RAB21: variants seen among roughly 807,000 people sequenced by gnomAD.
RAB21 encodes RAB21, member RAS oncogene family.
RAB21 carries 13 observed loss-of-function variants against 33.1 expected under a neutral mutation model. The observed-to-expected ratio is 0.39, with a 90% CI of 0.26 to 0.62. The LOEUF is 0.62. Among genes scored for constraint, RAB21 ranks in the 20% least tolerant of loss-of-function variants. The pLI, the probability that RAB21 is intolerant of heterozygous loss-of-function variation, is 0.48. For missense variants in RAB21, 234 were observed against 279.1 expected, an observed-to-expected ratio of 0.84 and a Z score of 1.15; for synonymous variants, 91 against 103.7, an observed-to-expected ratio of 0.88 and a Z score of 0.74.
rs753308011 is a variant in RAB21, at chr12:71,759,050, G to A, written c.159+3762G>A. ...TTAGTCTTAATTGCTTCAAAAAAAG[G>A]CATTATTTGTATCTCTCAGATTCTC... On this transcript the variant is annotated intron_variant, in intron 1 of 6. Transcript: ENST00000261263. Among the ~76,000 whole-genome samples the A allele has an allele frequency of 9.2e-5, 14 of 152,276 alleles. No homozygotes were observed. The South Asian group carries it at 1.2e-3, about 14-fold the overall frequency.
In RAB21 at chr12:71,799,396, G is replaced by T. The variant is rs1340763604; in HGVS notation, c.*13723G>T. On this transcript the variant is annotated 3_prime_UTR_variant, in exon 7 of 7. Coordinates refer to ENST00000261263, the MANE Select transcript of RAB21 (RefSeq NM_014999.4). ...ATATCTATAATGGCTTCTGTTTCCT[G>T]CATTGAAAGCTGACTGATCTGGAGG... 6.6e-6 allele frequency: 1 copy of T among 152,172 alleles called. No individual in the cohort carries two copies. The highest frequency in any genetic ancestry group is 1.5e-5 in the Non-Finnish European group (1 of 68,040). The allele number at this position is 152,172 out of a possible 1,614,324, so 9.4% of individuals were successfully genotyped here.
At chr12:71,780,443 C>T (rs554912933) in intron 4 of RAB21, among the ~76,000 whole-genome samples, 2 of 152,208 alleles carry the variant, frequency 1.3e-5, no homozygotes, top group Non-Finnish European at 2.9e-5. Context: ...AATAACACGA[C>T]GGTTTTTCCT....
chr12:71,758,642 G>A (rs1305217986), intron 1 of RAB21, among the ~76,000 whole-genome samples: 1 of 77,692 alleles, frequency 1.3e-5, no homozygotes, highest in Non-Finnish European at 3.3e-5. Flanking sequence ...CACCATGCTC[G>A]GCTAATTTTT....
At chr12:71,783,904 C>G (rs1592650719) in intron 6 of RAB21, among the ~76,000 whole-genome samples, 1 of 150,316 alleles carries the variant, frequency 6.7e-6, no homozygotes, top group East Asian at 2.0e-4. Context: ...TAACAATGCA[C>G]TAAGTCAGTG....
chr12:71,763,124 C>T, intron 1 of RAB21, among the ~76,000 whole-genome samples: 1 of 150,872 alleles, frequency 6.6e-6, no homozygotes, highest in East Asian at 1.9e-4. Context: ...CACACACACA[C>T]ACACAATCTT....
At position 71,789,239 on chromosome 12, in the gene RAB21, A is replaced by G. The variant is rs949361621; in HGVS notation, c.*3566A>G. On this transcript the variant is annotated 3_prime_UTR_variant, in exon 7 of 7. Transcript: ENST00000261263. ...ACTTTTATCAAAGAGTTTCTAATTA[A>G]GGCAAACTATGCATTATGCCAAATA... The G allele has an allele frequency of 4.6e-5, 7 of 152,132 alleles. No individual in the cohort carries two copies. The highest frequency in any genetic ancestry group is 1.4e-4 in the African/African-American group (6 of 41,452). The allele number at this position is 152,132 out of a possible 1,614,324, so 9.4% of individuals were successfully genotyped here. A position where few individuals can be genotyped will look rare whatever the true frequency, so the allele number is the denominator to read the frequency against.
In RAB21 at chr12:71,785,401, A is replaced by G. The variant is rs3741687; in HGVS notation, c.536-130A>G. 1.3e-4 allele frequency: 139 copies of G among 1,058,318 alleles called. No individual in the cohort carries two copies. The East Asian group carries it at 2.4e-3, about 18-fold the overall frequency. The allele number at this position is 1,058,318 out of a possible 1,614,324, so 65.6% of individuals were successfully genotyped here. ...GAAGCTGTTTTAGTGAGCTGACCCA[A>G]TGTTCATTATATTTAGTTTCTTTGT... On this transcript the variant is annotated intron_variant, in intron 6 of 6. Transcript: ENST00000261263.
At chr12:71,765,195 C>G (rs1882941407) in intron 1 of RAB21, among the ~76,000 whole-genome samples, 1 of 152,130 alleles carries the variant, frequency 6.6e-6, no homozygotes, top group Non-Finnish European at 1.5e-5. Flanking sequence ...ATTTGCATTT[C>G]CCTGATAATT....
intron 2 of RAB21, among the ~76,000 whole-genome samples, 177 bp downstream of exon 2, chr12:71,770,036 T>G (rs943684424): frequency 2.0e-5 from 3 of 152,180 alleles, no homozygotes; most frequent in Non-Finnish European, 2.9e-5. Context: ...TGTCATAACT[T>G]TTCAGTTGGA....
intron 2 of RAB21, 105 bp downstream of exon 2, chr12:71,769,964 A>G: frequency 2.1e-6 from 1 of 481,276 alleles, no homozygotes; most frequent in Non-Finnish European, 3.5e-6. Flanking sequence ...TTTTAATTAA[A>G]AAGAATCTTA....
chr12:71,767,888 A>G (rs183444664), intron 1 of RAB21, among the ~76,000 whole-genome samples: 15 of 152,210 alleles, frequency 9.9e-5, no homozygotes, highest in African/African-American at 3.6e-4. Context: ...TCCATGTGGC[A>G]TTGATATTGA....
At chr12:71,757,785 C>T (rs910352971) in intron 1 of RAB21, among the ~76,000 whole-genome samples, 1 of 152,134 alleles carries the variant, frequency 6.6e-6, no homozygotes, top group Non-Finnish European at 1.5e-5. Flanking sequence ...CCTTTTTTCT[C>T]GTCAACAGAG....
Position 71,776,484 on chromosome 12 carries a change from A to G in RAB21, c.391+2462A>G, listed in dbSNP as rs181685381. On this transcript the variant is annotated intron_variant, in intron 4 of 6. Coordinates refer to ENST00000261263, the MANE Select transcript of RAB21 (RefSeq NM_014999.4). ...AGTGTATATTTTTAATGTTCATATT[A>G]TAAGACGTTTTAGGAATATTGGATC... 7.7e-4 allele frequency among the ~76,000 whole-genome samples: 117 copies of G among 152,304 alleles called. 2 individuals carry two copies. In the East Asian group the frequency reaches 0.012, roughly 16 times the overall value.
At chr12:71,778,433 A>G (rs528869917) in intron 4 of RAB21, among the ~76,000 whole-genome samples, 1 of 152,234 alleles carries the variant, frequency 6.6e-6, no homozygotes, top group African/African-American at 2.4e-5. Context: ...AGACCATTTC[A>G]TTTTACAGAT....
Position 71,799,500 on chromosome 12 carries a change from T to C in RAB21, c.*13827T>C, listed in dbSNP as rs139191762. On this transcript the variant is annotated 3_prime_UTR_variant, in exon 7 of 7. Transcript: ENST00000261263. ...CTTCTTGGAATATATCCTGTAAATA[T>C]GCTTATGTATGAAGGAAATGAGTTT... is the stretch of plus-strand genomic sequence containing the variant. 495 of 152,336 alleles carry C rather than the reference T, an allele frequency of 3.2e-3. 2 individuals are homozygous for C. Among genetic ancestry groups the C allele is most frequent in the African/African-American group, 0.011 (463 of 41,576 alleles). 9.4% of individuals were successfully genotyped at this position (152,336 alleles called of 1,614,324 possible). A position where few individuals can be genotyped will look rare whatever the true frequency, so the allele number is the denominator to read the frequency against.
intron 1 of RAB21, among the ~76,000 whole-genome samples, chr12:71,762,507 G>C (rs906551521): frequency 6.6e-6 from 1 of 151,590 alleles, no homozygotes; most frequent in Non-Finnish European, 1.5e-5. Context: ...GGGTTTCACC[G>C]TGTTAGCCAG....
At position 71,794,397 on chromosome 12, in the gene RAB21, T is replaced by C. The variant is rs1380150014; in HGVS notation, c.*8724T>C. 22 of 114,316 alleles carry C rather than the reference T, an allele frequency of 1.9e-4. No individual in the cohort carries two copies. The highest frequency in any genetic ancestry group is 7.2e-4 in the African/African-American group (22 of 30,528). The allele number at this position is 114,316 out of a possible 1,614,324, so 7.1% of individuals were successfully genotyped here. The stretch of plus-strand genomic sequence containing the variant: ...CTAAAAACAAAACAAAACAAAACCA[T>C]ATATATATTATATATATATATATAT... On this transcript the variant is annotated 3_prime_UTR_variant, in exon 7 of 7. Coordinates refer to ENST00000261263, the MANE Select transcript of RAB21 (RefSeq NM_014999.4).
chr12:71,756,624 A>T (rs1019432452), intron 1 of RAB21, among the ~76,000 whole-genome samples: 3 of 152,216 alleles, frequency 2.0e-5, no homozygotes, highest in Non-Finnish European at 4.4e-5. Context: ...TGCATTTTTA[A>T]AAAATCCTTG....
At chr12:71,782,466 T>C (rs1883215593) in intron 5 of RAB21, 104 bp from the exon 6 acceptor site, 4 of 697,062 alleles carry the variant, frequency 5.7e-6, no homozygotes. Context: ...TTCACTAAAC[T>C]TGAGTAAATT....
Sources: allele counts gnomAD v4.1 joint callset (sites outside exome capture counted in the v4.1 genomes callset), GRCh38; gene constraint gnomAD v4.1.1; transcripts MANE v1.5; gene names NCBI Gene and HGNC (gene_info 2026-07-23, HGNC 2026-07-21).